The following NDUFS4 variants were observed in gnomAD, a reference collection of about 807,000 sequenced individuals.
NDUFS4 encodes the protein NADH:ubiquinone oxidoreductase subunit S4.
In NDUFS4, 28 loss-of-function variants were observed where a neutral mutation model predicts 24.3. The observed-to-expected ratio is 1.15, with a 90% CI of 0.85 to 1.58. The LOEUF is 1.58. NDUFS4 is among the 40% of genes most tolerant of loss of function. The pLI is 0.00. For synonymous variants in NDUFS4, 93 were observed against 69.7 expected (o/e 1.34, Z -1.67); for missense variants, 223 against 207.9 (o/e 1.07, Z -0.45).
At chr5:53,602,548 C>T (rs1391836398) in intron 1 of NDUFS4, among the ~76,000 whole-genome samples, 2 of 151,998 alleles carry the variant, frequency 1.3e-5, no homozygotes, top group South Asian at 2.1e-4. Flanking sequence ...AAAAGTTCAA[C>T]TATTTGTATC....
At chr5:53,563,236 C>CAAAAAAAA (rs906204561) in intron 1 of NDUFS4, among the ~76,000 whole-genome samples, 148 of 104,648 alleles carry the variant, frequency 1.4e-3, no homozygotes, top group East Asian at 2.1e-3. Flanking sequence ...CTCAAAAAAA[C>CAAAAAAAA]AAAAAAAAAA....
At chr5:53,632,739 G>A (rs1751442649) in intron 2 of NDUFS4, among the ~76,000 whole-genome samples, 1 of 152,056 alleles carries the variant, frequency 6.6e-6, no homozygotes, top group Non-Finnish European at 1.5e-5. Context: ...CTGTTATCAG[G>A]TTGTCCAATA....
chr5:53,672,739 A>T (rs1393896267), intron 4 of NDUFS4, among the ~76,000 whole-genome samples: 1 of 152,120 alleles, frequency 6.6e-6, no homozygotes, highest in East Asian at 1.9e-4. Flanking sequence ...AATTTGTCAT[A>T]TATGCTTTCT....
At chr5:53,662,351 A>G (rs1381914815) in intron 4 of NDUFS4, among the ~76,000 whole-genome samples, 1 of 152,184 alleles carries the variant, frequency 6.6e-6, no homozygotes, top group Non-Finnish European at 1.5e-5. Context: ...AGCCCACTTG[A>G]TGATGGTGGA....
At chr5:53,631,868 G>A (rs12513928) in intron 2 of NDUFS4, among the ~76,000 whole-genome samples, 25,079 of 152,166 alleles carry the variant, frequency 0.16, 2,306 homozygotes, top group Non-Finnish European at 0.21. Flanking sequence ...CTGGACTGCC[G>A]ATTGCGAAGA....
intron 3 of NDUFS4, among the ~76,000 whole-genome samples, chr5:53,656,211 G>GT (rs1218840857): frequency 0.016 from 1,040 of 64,024 alleles, 9 homozygotes; most frequent in Middle Eastern, 0.066. Context: ...TTCTCTAGAA[G>GT]TTTATTTTTT....
At chr5:53,676,534 C>G (rs1430257775) in intron 4 of NDUFS4, among the ~76,000 whole-genome samples, 1 of 152,134 alleles carries the variant, frequency 6.6e-6, no homozygotes, top group Non-Finnish European at 1.5e-5. Flanking sequence ...CACATATTGG[C>G]ACATCACAGC....
At chr5:53,652,685 C>A (rs1752052940) in intron 3 of NDUFS4, among the ~76,000 whole-genome samples, 1 of 152,066 alleles carries the variant, frequency 6.6e-6, no homozygotes, top group South Asian at 2.1e-4. Flanking sequence ...ATTTACATTT[C>A]TTTTCTCATC....
intron 4 of NDUFS4, among the ~76,000 whole-genome samples, chr5:53,671,677 G>A (rs1740249159): frequency 1.3e-5 from 2 of 152,118 alleles, no homozygotes; most frequent in South Asian, 4.1e-4. Flanking sequence ...CTTGTGTTAT[G>A]TAATAAGTGA....
At chr5:53,680,522 ATGT>A (rs1342283498) in intron 4 of NDUFS4, among the ~76,000 whole-genome samples, 6 of 152,316 alleles carry the variant, frequency 3.9e-5, no homozygotes, top group Admixed American at 1.3e-4. Context: ...ATAAAAAATG[ATGT>A]TGAGTTCATG....
chr5:53,575,415 C>T (rs1245033977), intron 1 of NDUFS4, among the ~76,000 whole-genome samples: 1 of 151,946 alleles, frequency 6.6e-6, no homozygotes, highest in Non-Finnish European at 1.5e-5. Flanking sequence ...AGGACAAGCC[C>T]ATCCTAGGAT....
intron 1 of NDUFS4, among the ~76,000 whole-genome samples, chr5:53,577,664 C>A (rs553139029): frequency 6.6e-6 from 1 of 151,828 alleles, no homozygotes; most frequent in Non-Finnish European, 1.5e-5. Flanking sequence ...AAGAATTCAC[C>A]CGTATTGGAA....
chr5:53,591,967 C>T (rs1037938696), intron 1 of NDUFS4, among the ~76,000 whole-genome samples: 6 of 152,114 alleles, frequency 3.9e-5, no homozygotes, highest in Non-Finnish European at 8.8e-5. Flanking sequence ...GACGGGATCT[C>T]GCTCTGTTGC....
intron 2 of NDUFS4, 22 bp downstream of exon 2, chr5:53,603,552 C>G: frequency 6.3e-7 from 1 of 1,575,976 alleles, no homozygotes; most frequent in Non-Finnish European, 8.7e-7. Context: ...CTACTACACA[C>G]TGCTATGGTT....
At chr5:53,670,113 T>G (rs1752622323) in intron 4 of NDUFS4, among the ~76,000 whole-genome samples, 1 of 152,150 alleles carries the variant, frequency 6.6e-6, no homozygotes, top group African/African-American at 2.4e-5. Context: ...GATTATTTCA[T>G]AATGTTTGAA....
intron 1 of NDUFS4, among the ~76,000 whole-genome samples, chr5:53,569,341 T>G (rs940514530): frequency 8.5e-5 from 13 of 152,162 alleles, no homozygotes; most frequent in Non-Finnish European, 1.8e-4. Context: ...GTATTCAACC[T>G]TTTAAAAAAT....
intron 1 of NDUFS4, among the ~76,000 whole-genome samples, chr5:53,587,434 G>A (rs1445269665): frequency 1.3e-5 from 2 of 151,960 alleles, no homozygotes; most frequent in African/African-American, 4.8e-5. Flanking sequence ...TATTTTGCTG[G>A]TTTTGCTTAT....
At chr5:53,658,830 T>C (rs1579927246) in intron 4 of NDUFS4, 1 of 512,198 alleles carries the variant, frequency 2.0e-6, no homozygotes, top group African/African-American at 2.0e-5. Context: ...TCATACAACA[T>C]GTAAAAGACA....
intron 2 of NDUFS4, among the ~76,000 whole-genome samples, chr5:53,604,093 C>A (rs1201728962): frequency 6.6e-6 from 1 of 152,112 alleles, no homozygotes; most frequent in East Asian, 1.9e-4. Context: ...ATTTTGGCAG[C>A]CATCACTTAT....
Sources: allele counts gnomAD v4.1 joint callset (sites outside exome capture counted in the v4.1 genomes callset), GRCh38; gene constraint gnomAD v4.1.1; transcripts MANE v1.5; gene names NCBI Gene and HGNC (gene_info 2026-07-23, HGNC 2026-07-21).